ATAD2B: variants seen among roughly 807,000 people sequenced by gnomAD.
ATAD2B encodes the protein ATPase family AAA domain containing 2B, also known as ATPase family AAA domain-containing protein 2B.
ATAD2B carries 40 observed loss-of-function variants against 167.6 expected under a neutral mutation model. The observed-to-expected ratio is 0.24, with a 90% CI of 0.19 to 0.31. The LOEUF is 0.31. Ranked by LOEUF, ATAD2B falls within the 10% of genes least tolerant of loss-of-function variation. The pLI, the probability that ATAD2B is intolerant of heterozygous loss-of-function variation, is 1.00. For missense variants in ATAD2B, 1,242 were observed against 1,757.2 expected (o/e 0.71, Z 5.24); for synonymous variants, 579 against 596.5 (o/e 0.97, Z 0.43).
chr2:23,692,474 A>G, the ATAD2B span, among the ~76,000 whole-genome samples: 1 of 152,216 alleles, frequency 6.6e-6, no homozygotes, highest in Non-Finnish European at 1.5e-5. Flanking sequence ...AAAGCCCCCA[A>G]AGAAGCAGTG....
At chr2:23,859,714 G>A (rs1256142455) in intron 12 of ATAD2B, among the ~76,000 whole-genome samples, 1 of 152,004 alleles carries the variant, frequency 6.6e-6, no homozygotes, top group Non-Finnish European at 1.5e-5. Flanking sequence ...TTGGGAGGTC[G>A]AGACAGGCGG....
chr2:23,915,196 T>A (rs947922026), intron 1 of ATAD2B, among the ~76,000 whole-genome samples: 3 of 152,088 alleles, frequency 2.0e-5, no homozygotes, highest in African/African-American at 7.2e-5. Flanking sequence ...AATAATAAAA[T>A]AAGCTCTATA....
At chr2:23,693,978 C>T in the ATAD2B span, among the ~76,000 whole-genome samples, 6 of 152,200 alleles carry the variant, frequency 3.9e-5, no homozygotes, top group South Asian at 6.2e-4. Flanking sequence ...CCCCAGATCT[C>T]GCCATTGAGC....
the ATAD2B span, among the ~76,000 whole-genome samples, chr2:23,681,752 C>G: frequency 1.3e-5 from 2 of 152,172 alleles, no homozygotes; most frequent in Admixed American, 6.5e-5. This position sits in a 1 kb window ranked among gnomAD's most constrained non-coding sequence, Gnocchi z 4.2. Flanking sequence ...AGAATCCCAG[C>G]CCAGAATTCT....
At chr2:23,764,124 G>T (rs1040785943) in intron 23 of ATAD2B, among the ~76,000 whole-genome samples, 2 of 152,156 alleles carry the variant, frequency 1.3e-5, no homozygotes, top group Non-Finnish European at 2.9e-5. Flanking sequence ...CCTAAGAGTA[G>T]AATCACTGGG....
the ATAD2B span, chr2:23,696,143 C>T: frequency 6.5e-7 from 1 of 1,549,688 alleles, no homozygotes; most frequent in Non-Finnish European, 8.7e-7. This position sits in a 1 kb window ranked among gnomAD's most constrained non-coding sequence, Gnocchi z 5.5. Context: ...GGTGAGGCCC[C>T]CCGGGGTTGG....
intron 1 of ATAD2B, among the ~76,000 whole-genome samples, chr2:23,918,199 C>A (rs1703336316): frequency 1.4e-5 from 1 of 72,148 alleles, no homozygotes; most frequent in Non-Finnish European, 2.6e-5. Flanking sequence ...AACCTTGTCT[C>A]TACAAAAAAA....
the ATAD2B span, among the ~76,000 whole-genome samples, chr2:23,739,755 T>A: frequency 6.6e-6 from 1 of 152,096 alleles, no homozygotes; most frequent in African/African-American, 2.4e-5. Flanking sequence ...CATTAATGAA[T>A]CCAGGAGCTG....
the ATAD2B span, among the ~76,000 whole-genome samples, chr2:23,716,003 G>A: frequency 4.7e-4 from 72 of 152,290 alleles, 2 homozygotes; most frequent in South Asian, 0.015. Context: ...TCTTTCTAAA[G>A]GGATGTTCTG....
chr2:23,700,390 A>G, the ATAD2B span, among the ~76,000 whole-genome samples: 1 of 152,228 alleles, frequency 6.6e-6, no homozygotes, highest in Non-Finnish European at 1.5e-5. This position sits in a 1 kb window ranked among gnomAD's most constrained non-coding sequence, Gnocchi z 4.6. Flanking sequence ...CTAATTTTTT[A>G]CTACATGTTA....
At chr2:23,920,501 T>G (rs1325756010) in intron 1 of ATAD2B, among the ~76,000 whole-genome samples, 2 of 152,220 alleles carry the variant, frequency 1.3e-5, no homozygotes, top group Non-Finnish European at 2.9e-5. Context: ...ATGCTATTCA[T>G]TCATTCATTT....
chr2:23,683,114 G>A, the ATAD2B span, among the ~76,000 whole-genome samples: 23 of 152,372 alleles, frequency 1.5e-4, no homozygotes, highest in East Asian at 4.2e-3. Flanking sequence ...AAGGGTCTTG[G>A]CCAAGTGTCA....
chr2:23,776,379 C>T (rs1679133446), intron 22 of ATAD2B, among the ~76,000 whole-genome samples: 1 of 152,190 alleles, frequency 6.6e-6, no homozygotes, highest in South Asian at 2.1e-4. Context: ...ATGTTCCAAC[C>T]TCCATCTTAC....
At chr2:23,851,807 G>C (rs1327336496) in intron 13 of ATAD2B, among the ~76,000 whole-genome samples, 1 of 151,614 alleles carries the variant, frequency 6.6e-6, no homozygotes, top group Admixed American at 6.6e-5. Flanking sequence ...TAAGAAAAAA[G>C]GTAGTATAAA....
the ATAD2B span, among the ~76,000 whole-genome samples, chr2:23,702,265 TA>T: frequency 1.3e-5 from 2 of 152,204 alleles, no homozygotes; most frequent in African/African-American, 4.8e-5. Context: ...ACACCTGCCC[TA>T]CTGAACATCA....
At chr2:23,735,412 G>A in the ATAD2B span, among the ~76,000 whole-genome samples, 4 of 152,216 alleles carry the variant, frequency 2.6e-5, no homozygotes, top group South Asian at 4.1e-4. Flanking sequence ...ATCATCAGTA[G>A]ATGAGTGGTA....
At chr2:23,760,699 T>TATATATATACACAC (rs1313618301) in intron 24 of ATAD2B, among the ~76,000 whole-genome samples, 1 of 123,700 alleles carries the variant, frequency 8.1e-6, no homozygotes, top group Non-Finnish European at 1.7e-5. Flanking sequence ...TTTATATATA[T>TATATATATACACAC]ACACACACAC....
At chr2:23,894,825 T>G in intron 2 of ATAD2B, among the ~76,000 whole-genome samples, 1 of 152,206 alleles carries the variant, frequency 6.6e-6, no homozygotes, top group Non-Finnish European at 1.5e-5. Flanking sequence ...CTATGATTCA[T>G]GTATTTTTCT....
intron 23 of ATAD2B, among the ~76,000 whole-genome samples, chr2:23,763,407 T>C (rs1360349866): frequency 2.0e-5 from 3 of 152,228 alleles, no homozygotes; most frequent in Admixed American, 1.3e-4. Flanking sequence ...GTACAATAAA[T>C]AGTTTTTAGT....
Sources: allele counts gnomAD v4.1 joint callset (sites outside exome capture counted in the v4.1 genomes callset), GRCh38; gene constraint gnomAD v4.1.1; non-coding constraint Gnocchi (gnomAD v3.1); transcripts MANE v1.5; gene names NCBI Gene and HGNC (gene_info 2026-07-23, HGNC 2026-07-21).